Variants in IGHMBP2 observed in about 807,000 individuals in gnomAD.
IGHMBP2 encodes the protein DNA-binding protein SMUBP-2.
IGHMBP2 carries 81 observed loss-of-function variants against 96.0 expected under a neutral mutation model. The observed-to-expected ratio is 0.84, with a 90% CI of 0.71 to 1.01. The LOEUF (loss-of-function observed/expected upper bound fraction) is 1.01. Among genes scored for constraint, IGHMBP2 ranks in the 50% least tolerant of loss-of-function variants. IGHMBP2 has a pLI of 0.00. For synonymous variants in IGHMBP2, 557 were observed against 548.9 expected (o/e 1.01, Z -0.21); for missense variants, 1,227 against 1,306.3 (o/e 0.94, Z 0.94).
At chr11:68,929,812 C>T (rs1175900302) in intron 8 of IGHMBP2, 1 of 985,300 alleles carries the variant, frequency 1.0e-6, no homozygotes, top group African/African-American at 1.7e-5. Flanking sequence ...CGTGCGGAGA[C>T]ACCGGAGCCC....
intron 1 of IGHMBP2, among the ~76,000 whole-genome samples, chr11:68,905,520 C>T (rs1858156808): frequency 6.6e-6 from 1 of 152,270 alleles, no homozygotes; most frequent in East Asian, 1.9e-4. Context: ...AGCAGACTGG[C>T]AGGGCGAGCC....
At chr11:68,914,661 G>A (rs571348567) in intron 5 of IGHMBP2, among the ~76,000 whole-genome samples, 162 bp from the exon 6 acceptor site, 63 of 152,306 alleles carry the variant, frequency 4.1e-4, no homozygotes, top group Admixed American at 3.3e-3. Flanking sequence ...CGGAAGAATC[G>A]GATCACACGT....
chr11:68,922,388 G>A (rs779247785), intron 7 of IGHMBP2, among the ~76,000 whole-genome samples: 11 of 151,868 alleles, frequency 7.2e-5, no homozygotes, highest in Non-Finnish European at 1.5e-4. Context: ...ATTTGCCCTG[G>A]TGCTATTTGC....
intron 8 of IGHMBP2, among the ~76,000 whole-genome samples, chr11:68,931,610 G>A (rs1390014978): frequency 2.0e-5 from 3 of 152,106 alleles, no homozygotes; most frequent in Non-Finnish European, 1.5e-5. Flanking sequence ...CAGAAGGGGC[G>A]GGGCTCCCAC....
intron 5 of IGHMBP2, among the ~76,000 whole-genome samples, chr11:68,913,037 C>CA (rs1419958030): frequency 7.2e-4 from 34 of 47,234 alleles, no homozygotes; most frequent in African/African-American, 2.1e-3. Flanking sequence ...AGCAAAACTC[C>CA]ATCTCCAAAA....
At chr11:68,927,489 A>G (rs1380444594) in intron 7 of IGHMBP2, among the ~76,000 whole-genome samples, 1 of 152,182 alleles carries the variant, frequency 6.6e-6, no homozygotes, top group Admixed American at 6.5e-5. Context: ...GAGCTGAGCC[A>G]CAGATGAGAG....
chr11:68,920,789 A>G (rs1443321915), intron 7 of IGHMBP2, among the ~76,000 whole-genome samples: 1 of 151,764 alleles, frequency 6.6e-6, no homozygotes, highest in Admixed American at 6.6e-5. Context: ...TGGCCTGTTT[A>G]TTTCTTTTTA....
At chr11:68,923,518 C>T (rs116961016) in intron 7 of IGHMBP2, among the ~76,000 whole-genome samples, 1 of 152,094 alleles carries the variant, frequency 6.6e-6, no homozygotes, top group South Asian at 2.1e-4. Context: ...TATTCTTGTG[C>T]TTGGTTTTGG....
intron 7 of IGHMBP2, among the ~76,000 whole-genome samples, chr11:68,919,573 G>C (rs1858802803): frequency 6.6e-6 from 1 of 152,222 alleles, no homozygotes; most frequent in Non-Finnish European, 1.5e-5. Flanking sequence ...ACACTTGATA[G>C]AACGTGTGTT....
intron 8 of IGHMBP2, among the ~76,000 whole-genome samples, chr11:68,930,729 AG>A (rs1395840445): frequency 1.3e-5 from 2 of 152,196 alleles, no homozygotes; most frequent in Non-Finnish European, 2.9e-5. Flanking sequence ...ATTTAGTGTT[AG>A]AACAGCTCAG....
At chr11:68,927,494 T>C (rs1051066089) in intron 7 of IGHMBP2, among the ~76,000 whole-genome samples, 3 of 152,216 alleles carry the variant, frequency 2.0e-5, no homozygotes, top group African/African-American at 7.2e-5. Context: ...GAGCCACAGA[T>C]GAGAGCTGAG....
chr11:68,927,551 T>G (rs564865771), intron 7 of IGHMBP2, among the ~76,000 whole-genome samples: 5 of 152,362 alleles, frequency 3.3e-5, no homozygotes, highest in African/African-American at 1.2e-4. Flanking sequence ...TGTGGCCTTC[T>G]AGATTCCCAG....
intron 8 of IGHMBP2, chr11:68,929,767 G>A (rs1233465623): frequency 1.0e-6 from 1 of 985,284 alleles, no homozygotes; most frequent in Non-Finnish European, 1.2e-6. Context: ...TGGATGGAGG[G>A]CACTGGGCAG....
intron 8 of IGHMBP2, chr11:68,929,934 G>A: frequency 1.0e-6 from 1 of 984,040 alleles, no homozygotes. Flanking sequence ...CAGTGGCCTG[G>A]CCCAGGCTGT....
intron 7 of IGHMBP2, 117 bp from the exon 8 acceptor site, chr11:68,929,066 C>A: frequency 1.1e-6 from 1 of 943,110 alleles, no homozygotes; most frequent in Non-Finnish European, 1.7e-6. Context: ...ATTTATCCCA[C>A]ACAGTTGCAA....
chr11:68,932,396 C>T, intron 8 of IGHMBP2: 1 of 152,266 alleles, frequency 6.6e-6, no homozygotes. Context: ...GGTTGGTGAG[C>T]CGTAGTGGTG....
At chr11:68,934,005 G>A in intron 10 of IGHMBP2, 92 bp downstream of exon 10, 1 of 907,018 alleles carries the variant, frequency 1.1e-6, no homozygotes, top group Non-Finnish European at 1.8e-6. Flanking sequence ...AATTCCGGGA[G>A]GAGCTGAGAG....
chr11:68,910,319 A>G (rs1858380293), intron 4 of IGHMBP2, among the ~76,000 whole-genome samples: 1 of 152,328 alleles, frequency 6.6e-6, no homozygotes, highest in Non-Finnish European at 1.5e-5. Flanking sequence ...ATGCGTCACA[A>G]ACTGAATTAG....
intron 5 of IGHMBP2, among the ~76,000 whole-genome samples, 189 bp downstream of exon 5, chr11:68,911,792 G>A (rs528228301): frequency 4.5e-4 from 69 of 152,370 alleles, no homozygotes; most frequent in African/African-American, 1.5e-3. Context: ...TGGGGAGCAC[G>A]CGCAGGAGCC....
Sources: allele counts gnomAD v4.1 joint callset (sites outside exome capture counted in the v4.1 genomes callset), GRCh38; gene constraint gnomAD v4.1.1; transcripts MANE v1.5; gene names NCBI Gene and HGNC (gene_info 2026-07-23, HGNC 2026-07-21).